Variants in CXADR observed in about 807,000 individuals in gnomAD.
The protein encoded by CXADR is CXADR cell adhesion molecule.
In CXADR, 20 loss-of-function variants were observed where a neutral mutation model predicts 40.3. The observed-to-expected ratio is 0.50, with a 90% confidence interval of 0.35 to 0.72. The LOEUF (loss-of-function observed/expected upper bound fraction) is 0.72, where lower values mean the gene tolerates loss of function less well. Ranked by LOEUF, CXADR falls within the 30% of genes least tolerant of loss-of-function variation. The probability of loss-of-function intolerance (pLI) is 0.01; values close to 1 mark genes in which losing one functional copy is unlikely to be tolerated. For synonymous variants in CXADR, 150 were observed against 161.3 expected, an observed-to-expected ratio of 0.93 and a Z score of 0.53; for missense variants, 332 against 449.1, an observed-to-expected ratio of 0.74 and a Z score of 2.36.
the CXADR span, chr21:17,613,723 T>C: frequency 6.6e-6 from 1 of 152,218 alleles, no homozygotes; most frequent in African/African-American, 2.4e-5. Context: ...GAGGGAACAT[T>C]AACTTTCTGA....
downstream of CXADR, among the ~76,000 whole-genome samples, chr21:17,598,394 T>C (rs1277267029): frequency 6.6e-6 from 1 of 152,222 alleles, no homozygotes; most frequent in Non-Finnish European, 1.5e-5. Flanking sequence ...TTTTCTGAAA[T>C]ATATTTATCC....
chr21:17,612,250 G>T, the CXADR span: 2 of 152,184 alleles, frequency 1.3e-5, no homozygotes, highest in African/African-American at 4.8e-5. Flanking sequence ...CGCCTGCCCC[G>T]CGGGTCCGCT....
At chr21:17,581,767 C>A (rs1231268350) in intron 7 of CXADR, among the ~76,000 whole-genome samples, 3 of 140 alleles carry the variant, frequency 0.021, no homozygotes, top group Non-Finnish European at 0.043. Flanking sequence ...ATCACTTGAG[C>A]CCAAGAAGAT....
At chr21:17,551,277 G>A (rs1216420067) in intron 2 of CXADR, among the ~76,000 whole-genome samples, 1 of 152,132 alleles carries the variant, frequency 6.6e-6, no homozygotes. Flanking sequence ...GCACGTGCCT[G>A]AAGTCTCAGC....
downstream of CXADR, among the ~76,000 whole-genome samples, chr21:17,575,076 G>T (rs2061310830): frequency 6.6e-6 from 1 of 151,696 alleles, no homozygotes; most frequent in South Asian, 2.1e-4. Flanking sequence ...GGGGTCCAAT[G>T]CTGTCAGCCA....
intron 7 of CXADR, among the ~76,000 whole-genome samples, chr21:17,585,225 T>A (rs1290665940): frequency 6.6e-6 from 1 of 152,310 alleles, no homozygotes; most frequent in East Asian, 1.9e-4. Flanking sequence ...GATATATGAT[T>A]GAAAAGATAT....
chr21:17,560,406 T>C (rs1053070646), intron 4 of CXADR, among the ~76,000 whole-genome samples: 2 of 152,148 alleles, frequency 1.3e-5, no homozygotes, highest in Admixed American at 1.3e-4. Flanking sequence ...GCGTTTATAG[T>C]CTTATGTGCC....
the CXADR span, chr21:17,611,730 GCTC>G: frequency 1.3e-5 from 2 of 152,360 alleles, no homozygotes; most frequent in African/African-American, 4.8e-5. Context: ...CGCGGCGGCT[GCTC>G]CTCAAGTTCT....
chr21:17,514,035 G>T (rs1385957717), intron 1 of CXADR, among the ~76,000 whole-genome samples: 1 of 152,178 alleles, frequency 6.6e-6, no homozygotes, highest in Non-Finnish European at 1.5e-5. Context: ...CCATTAGGAG[G>T]CGTAATCATT....
intron 3 of CXADR, among the ~76,000 whole-genome samples, chr21:17,554,036 C>T (rs960481359): frequency 6.6e-6 from 1 of 152,182 alleles, no homozygotes; most frequent in African/African-American, 2.4e-5. Context: ...GGAATATTAA[C>T]TGGTTCATGA....
rs184286785 is a variant in CXADR at position 17,518,546 on chromosome 21, C to T, written c.43+5374C>T. The T allele has an allele frequency of 7.4e-4, 784 of 1,062,626 alleles. 3 individuals carry two copies. The highest frequency in any genetic ancestry group is 7.1e-3 in the Middle Eastern group (24 of 3,386). The allele number at this position is 1,062,626 out of a possible 1,614,324, so 65.8% of individuals were successfully genotyped here. On this transcript the variant is annotated intron_variant, in intron 1 of 6. Coordinates refer to ENST00000284878, the MANE Select transcript of CXADR (RefSeq NM_001338.5). The stretch of plus-strand genomic sequence containing the variant: ...ATGCCAGCTTCATTCTTTGATGCCT[C>T]ATCAAAATTTTCTACAAGATCGGGA...
At chr21:17,616,945 C>G in the CXADR span, among the ~76,000 whole-genome samples, 1 of 152,186 alleles carries the variant, frequency 6.6e-6, no homozygotes, top group Admixed American at 6.5e-5. Context: ...TCATTATTTT[C>G]TCCGTTACAT....
At chr21:17,601,742 A>G in the CXADR span, among the ~76,000 whole-genome samples, 1 of 152,232 alleles carries the variant, frequency 6.6e-6, no homozygotes, top group Non-Finnish European at 1.5e-5. Context: ...ACTTAGGCCT[A>G]TCTTCAGTTT....
chr21:17,631,932 C>G, the CXADR span, among the ~76,000 whole-genome samples: 2 of 152,172 alleles, frequency 1.3e-5, no homozygotes, highest in African/African-American at 4.8e-5. Flanking sequence ...CCACCTCAGC[C>G]TCCTGAGCAG....
chr21:17,530,132 T>TG (rs1555863322), intron 1 of CXADR, among the ~76,000 whole-genome samples: 1 of 143,504 alleles, frequency 7.0e-6, no homozygotes, highest in Admixed American at 7.1e-5. Flanking sequence ...TTTTTTTTTT[T>TG]GTATTTTTTA....
chr21:17,546,478 G>T (rs1229677435), intron 1 of CXADR, among the ~76,000 whole-genome samples: 3 of 152,220 alleles, frequency 2.0e-5, no homozygotes, highest in Non-Finnish European at 4.4e-5. Flanking sequence ...ATGGCAGAAG[G>T]CGAAGGGGAG....
the CXADR span, among the ~76,000 whole-genome samples, chr21:17,631,349 C>A: frequency 2.0e-5 from 3 of 152,114 alleles, no homozygotes; most frequent in African/African-American, 7.2e-5. Context: ...GTTTTATCAT[C>A]CCACTGCTTT....
intron 1 of CXADR, among the ~76,000 whole-genome samples, chr21:17,537,315 C>G (rs879412061): frequency 3.9e-5 from 6 of 152,170 alleles, no homozygotes; most frequent in Non-Finnish European, 7.3e-5. Context: ...GTCATTCATT[C>G]CTAGTGCAAT....
the CXADR span, among the ~76,000 whole-genome samples, chr21:17,602,079 CA>C: frequency 6.6e-6 from 1 of 151,218 alleles, no homozygotes; most frequent in African/African-American, 2.4e-5. Context: ...GATAAAACAT[CA>C]AGGCTAATTT....
Sources: allele counts gnomAD v4.1 joint callset (sites outside exome capture counted in the v4.1 genomes callset), GRCh38; gene constraint gnomAD v4.1.1; transcripts MANE v1.5; gene names NCBI Gene and HGNC (gene_info 2026-07-23, HGNC 2026-07-21).